TIAM1: variants seen among roughly 807,000 people sequenced by gnomAD.
TIAM1 encodes TIAM Rac1 associated GEF 1, also known as rho guanine nucleotide exchange factor TIAM1.
In TIAM1, 65 loss-of-function variants were observed where a neutral mutation model predicts 163.5. That is an observed-to-expected ratio of 0.40 (90% CI 0.33 to 0.49). TIAM1 has a LOEUF of 0.49. Among genes scored for constraint, TIAM1 ranks in the 20% least tolerant of loss-of-function variants. TIAM1 has a pLI of 0.77. For missense variants in TIAM1, 1,789 were observed against 2,044.7 expected (o/e 0.87, Z 2.41); for synonymous variants, 833 against 810.1 (o/e 1.03, Z -0.48).
At chr21:31,384,742 C>G (rs2076836671) in intron 2 of TIAM1, among the ~76,000 whole-genome samples, 1 of 152,110 alleles carries the variant, frequency 6.6e-6, no homozygotes, top group Admixed American at 6.5e-5. Context: ...AGTGGAGACC[C>G]AAGAGGGTTG....
chr21:31,387,191 T>TTA (rs2076886751), intron 2 of TIAM1, among the ~76,000 whole-genome samples: 1 of 120,992 alleles, frequency 8.3e-6, no homozygotes, highest in Non-Finnish European at 1.7e-5. Flanking sequence ...TAGAAGCTTA[T>TTA]TCTCTTTTTT....
intron 1 of TIAM1, among the ~76,000 whole-genome samples, chr21:31,554,867 C>T (rs186553769): frequency 6.6e-5 from 10 of 152,260 alleles, no homozygotes; most frequent in East Asian, 1.9e-4. Context: ...ATCTCACACA[C>T]GCACTGGAGG....
At chr21:31,544,025 C>T (rs1253082684) in intron 1 of TIAM1, among the ~76,000 whole-genome samples, 1 of 151,850 alleles carries the variant, frequency 6.6e-6, no homozygotes, top group African/African-American at 2.4e-5. Context: ...ACCTGGCGAA[C>T]ACAGCGAAAA....
At chr21:31,399,616 G>C (rs889845041) in intron 2 of TIAM1, among the ~76,000 whole-genome samples, 1 of 152,156 alleles carries the variant, frequency 6.6e-6, no homozygotes, top group East Asian at 1.9e-4. Context: ...TTTGTGTCTT[G>C]AGATATATGT....
chr21:31,489,006 G>GAAAA (rs35813534), intron 1 of TIAM1, among the ~76,000 whole-genome samples: 1 of 148,508 alleles, frequency 6.7e-6, no homozygotes, highest in African/African-American at 2.5e-5. Flanking sequence ...GCTACAATCA[G>GAAAA]AAAAAAAAAA....
chr21:31,393,617 A>AT (rs1490121397), intron 2 of TIAM1, among the ~76,000 whole-genome samples: 1 of 152,154 alleles, frequency 6.6e-6, no homozygotes, highest in Non-Finnish European at 1.5e-5. Context: ...GTATATCTGA[A>AT]TTTTTTAAGA....
At chr21:31,487,537 AT>A (rs552146138) in intron 1 of TIAM1, among the ~76,000 whole-genome samples, 13,342 of 123,924 alleles carry the variant, frequency 0.11, 1,756 homozygotes, top group East Asian at 0.56. Context: ...TGCCCAGCTA[AT>A]TTTTTTTTTT....
At chr21:31,182,787 T>TGATCCTCAGGAGA in intron 14 of TIAM1, 142 bp from the exon 15 acceptor site, 2 of 799,398 alleles carry the variant, frequency 2.5e-6, no homozygotes, top group Non-Finnish European at 3.8e-6. Flanking sequence ...TGCTCGGGAG[T>TGATCCTCAGGAGA]GATCCTCAGG....
chr21:31,245,372 TAAAAAAA>T (rs35494700), intron 6 of TIAM1, 109 bp downstream of exon 6: 66 of 209,842 alleles, frequency 3.1e-4, no homozygotes, highest in East Asian at 3.8e-4. Context: ...ATCTCACCAC[TAAAAAAA>T]AAAAAAAAAA....
At chr21:31,194,437 T>C (rs1479473045) in intron 13 of TIAM1, among the ~76,000 whole-genome samples, 1 of 152,204 alleles carries the variant, frequency 6.6e-6, no homozygotes, top group Non-Finnish European at 1.5e-5. Context: ...GGCTTACTTA[T>C]TTTGAGATTT....
At chr21:31,148,956 C>CT (rs869158026) in intron 19 of TIAM1, among the ~76,000 whole-genome samples, 297 of 28,856 alleles carry the variant, frequency 0.01, 5 homozygotes, top group African/African-American at 0.024. Flanking sequence ...ACAAGTTTTT[C>CT]TTTTTCTTTT....
chr21:31,519,864 A>C (rs1423337916), intron 1 of TIAM1, among the ~76,000 whole-genome samples: 1 of 152,194 alleles, frequency 6.6e-6, no homozygotes, highest in Non-Finnish European at 1.5e-5. Flanking sequence ...TAGAGATAGA[A>C]AGTAGAATGG....
intron 1 of TIAM1, among the ~76,000 whole-genome samples, chr21:31,540,046 GA>G (rs3216559): frequency 6.8e-5 from 10 of 146,930 alleles, no homozygotes; most frequent in African/African-American, 1.3e-4. Flanking sequence ...AAAAAAAAAA[GA>G]AAAAAAAAAT....
chr21:31,505,259 A>G (rs1485494054), intron 1 of TIAM1, among the ~76,000 whole-genome samples: 2 of 152,204 alleles, frequency 1.3e-5, no homozygotes, highest in African/African-American at 2.4e-5. Context: ...CATAGGATTC[A>G]ATGATATAAC....
chr21:31,488,893 G>A (rs2098051366), intron 1 of TIAM1, among the ~76,000 whole-genome samples: 1 of 151,820 alleles, frequency 6.6e-6, no homozygotes, highest in Admixed American at 6.6e-5. Flanking sequence ...AAACATAAGT[G>A]AAAAATGTTA....
chr21:31,491,950 G>A (rs973861147), intron 1 of TIAM1, among the ~76,000 whole-genome samples: 1 of 152,088 alleles, frequency 6.6e-6, no homozygotes, highest in African/African-American at 2.4e-5. Context: ...CCATCTGACT[G>A]GATAGAAAAT....
chr21:31,280,460 A>G (rs570757266), intron 2 of TIAM1, among the ~76,000 whole-genome samples: 76 of 152,298 alleles, frequency 5.0e-4, no homozygotes, highest in African/African-American at 1.8e-3. Flanking sequence ...TGTGAGTCCA[A>G]TTAAACCTCT....
At chr21:31,136,601 TC>T (rs1051469886) in intron 22 of TIAM1, among the ~76,000 whole-genome samples, 1 of 152,196 alleles carries the variant, frequency 6.6e-6, no homozygotes, top group Non-Finnish European at 1.5e-5. Context: ...ATCTTTTTTT[TC>T]CCCATTTATT....
At chr21:31,285,227 A>T (rs1168589592) in intron 2 of TIAM1, among the ~76,000 whole-genome samples, 1 of 152,146 alleles carries the variant, frequency 6.6e-6, no homozygotes, top group African/African-American at 2.4e-5. Context: ...GCCTTCGCAC[A>T]CAGAGGGGTG....
Sources: gnomAD v4.1 joint callset for allele counts (sites outside exome capture counted in the v4.1 genomes callset) on GRCh38, gnomAD v4.1.1 for gene constraint, MANE v1.5 for transcripts, NCBI Gene and HGNC (gene_info 2026-07-23, HGNC 2026-07-21) for gene names.